The following MARS1 variants were observed in gnomAD, a reference collection of about 807,000 sequenced individuals.
MARS1 encodes the protein methionine--tRNA ligase, cytoplasmic.
In MARS1, 80 loss-of-function variants were observed where a neutral mutation model predicts 119.5. The observed-to-expected ratio is 0.67, with a 90% CI of 0.56 to 0.81. MARS1 has a LOEUF of 0.81. Ranked by LOEUF, MARS1 falls within the 30% of genes least tolerant of loss-of-function variation. The probability of loss-of-function intolerance (pLI) is 0.00; values close to 1 mark genes in which losing one functional copy is unlikely to be tolerated. For synonymous variants in MARS1, 418 were observed against 433.4 expected (o/e 0.96, Z 0.44); for missense variants, 945 against 1,116.5 (o/e 0.85, Z 2.19).
intron 9 of MARS1, among the ~76,000 whole-genome samples, chr12:57,499,191 G>A (rs1264755277): frequency 6.9e-6 from 1 of 145,138 alleles, no homozygotes; most frequent in East Asian, 2.1e-4. Flanking sequence ...AGCTGAGGCA[G>A]AAGAATCTCT....
intron 6 of MARS1, 59 bp downstream of exon 6, chr12:57,490,438 T>G (rs1875847958): frequency 6.2e-7 from 1 of 1,610,172 alleles, no homozygotes; most frequent in Non-Finnish European, 8.5e-7. Flanking sequence ...AGATGGACTT[T>G]GAGCATGGCC....
At chr12:57,490,048 C>T in intron 5 of MARS1, 77 bp downstream of exon 5, 2 of 1,490,290 alleles carry the variant, frequency 1.3e-6, no homozygotes, top group Non-Finnish European at 1.9e-6. Flanking sequence ...ATACTGAGAA[C>T]TCCCTTCAAG....
At chr12:57,509,918 G>A (rs768797127) in intron 11 of MARS1, among the ~76,000 whole-genome samples, 8 of 151,986 alleles carry the variant, frequency 5.3e-5, no homozygotes, top group African/African-American at 1.9e-4. Flanking sequence ...TTGCTGGTAC[G>A]TCTACAAAAA....
Position 57,496,611 on chromosome 12 carries a change from CA to C in MARS1, c.771-1538del, listed in dbSNP as rs202224204. On this transcript the variant is annotated intron_variant, in intron 7 of 20. Transcript: ENST00000262027. Reference sequence around the variant, plus strand: ...CCTGTCAACATAGACTGCATCTCTACAAAAAAAATTTAAAAATTATCCAGGC... The same window carrying C: ...CCTGTCAACATAGACTGCATCTCTACAAAAAAATTTAAAAATTATCCAGGC... Among the ~76,000 whole-genome samples the C allele has an allele frequency of 3.2e-3, 488 of 151,790 alleles. 2 individuals carry two copies. Among genetic ancestry groups the C allele is most frequent in the African/African-American group, 0.011 (462 of 41,376 alleles).
intron 15 of MARS1, 48 bp downstream of exon 15, chr12:57,513,012 T>C (rs766933835): frequency 6.7e-7 from 1 of 1,483,028 alleles, no homozygotes; most frequent in Non-Finnish European, 9.4e-7. Context: ...GGGGTGGGGC[T>C]CATTTTCCCT....
intron 11 of MARS1, among the ~76,000 whole-genome samples, chr12:57,507,604 C>G (rs1411661159): frequency 1.5e-5 from 2 of 130,702 alleles, no homozygotes; most frequent in African/African-American, 5.7e-5. Context: ...GCTGGCCGGG[C>G]GGGGGTCTGG....
Position 57,515,007 on chromosome 12 carries a change from A to G in MARS1, c.2153A>G (p.Tyr718Cys), listed in dbSNP as rs769280984. 14 of 1,614,172 alleles carry G rather than the reference A, an allele frequency of 8.7e-6. No individual in the cohort carries two copies. The highest frequency in any genetic ancestry group is 1.0e-5 in the Non-Finnish European group (12 of 1,180,036). The stretch of plus-strand genomic sequence containing the variant: ...ACCATATCTCGACATGGCAACCAAT[A>G]TATTCAGGTGAATGAGCCCTGGAAG... ...ILTISRHGNQ[Y>C]IQVNEPWKRI... The change falls in exon 17 of 21, where the codon TAT (tyrosine) becomes TGT (cysteine). Residue 718 changes from tyrosine (Y) to cysteine (C), a missense_variant. Coordinates refer to ENST00000262027, the MANE Select transcript of MARS1 (RefSeq NM_004990.4).
At chr12:57,514,673 T>C (rs763921830) in intron 15 of MARS1, 47 bp from the exon 16 acceptor site, 26 of 1,611,612 alleles carry the variant, frequency 1.6e-5, no homozygotes, top group Non-Finnish European at 2.0e-5. Context: ...GACGGGATAA[T>C]AACTTCCCCT....
At chr12:57,507,667 C>T (rs1352442814) in intron 11 of MARS1, among the ~76,000 whole-genome samples, 2 of 114,766 alleles carry the variant, frequency 1.7e-5, no homozygotes, top group Admixed American at 8.4e-5. Context: ...GTCTGGCCCC[C>T]CACCTCCCTC....
chr12:57,516,526 T>C lies in MARS1; in HGVS notation c.2648T>C (p.Leu883Ser). 6.2e-7 allele frequency: 1 copy of C among 1,612,004 alleles called. No individual in the cohort carries two copies. The highest frequency in any genetic ancestry group is 8.5e-7 in the Non-Finnish European group (1 of 1,179,420). The change falls in exon 21 of 21, where the codon TTG becomes TCG. Residue 883 changes from leucine (L) to serine (S), a missense_variant. By Grantham distance (145) the Leu-to-Ser change is moderately radical (BLOSUM62 -2). Coordinates refer to ENST00000262027, the MANE Select transcript of MARS1 (RefSeq NM_004990.4). The stretch of plus-strand genomic sequence containing the variant: ...AAACTCTTGGATCTAAAGAAACAGT[T>C]GGCTGTAGCTGAGGGGAAACCCCCT... Reference protein sequence around the residue: ...VAKLLDLKKQLAVAEGKPPEA... With the variant: ...VAKLLDLKKQSAVAEGKPPEA...
At chr12:57,496,667 C>T (rs1007557563) in intron 7 of MARS1, among the ~76,000 whole-genome samples, 1 of 151,860 alleles carries the variant, frequency 6.6e-6, no homozygotes, top group Non-Finnish European at 1.5e-5. Context: ...GTTCCAGCTA[C>T]CTGGGAGGCT....
intron 17 of MARS1, 37 bp from the exon 18 acceptor site, chr12:57,515,113 C>T: frequency 6.2e-7 from 1 of 1,614,002 alleles, no homozygotes; most frequent in Non-Finnish European, 8.5e-7. Context: ...AAGCTGTATC[C>T]TCCTGGAGGT....
chr12:57,495,368 G>A (rs867645536), intron 7 of MARS1, among the ~76,000 whole-genome samples: 3 of 151,564 alleles, frequency 2.0e-5, no homozygotes, highest in Non-Finnish European at 1.5e-5. Flanking sequence ...AGACGGGGTC[G>A]CGGCCGGGCA....
At chr12:57,489,859 C>A in intron 4 of MARS1, 37 bp from the exon 5 acceptor site, 2 of 1,565,354 alleles carry the variant, frequency 1.3e-6, no homozygotes, top group Non-Finnish European at 1.8e-6. Context: ...CTGAGTGTCT[C>A]ATTTGTGTAC....
At chr12:57,510,333 G>A (rs989758983) in intron 11 of MARS1, among the ~76,000 whole-genome samples, 6 of 152,144 alleles carry the variant, frequency 3.9e-5, no homozygotes, top group Non-Finnish European at 7.3e-5. Flanking sequence ...TTAGCCAGGC[G>A]TGGTGGCACC....
rs969642249 is a variant in MARS1, at chr12:57,516,487, C to T, written c.2609C>T (p.Ala870Val). Residue 870 changes from alanine (A) to valine (V), a missense_variant, in exon 21 of 21, where the codon GCT becomes GTT. Coordinates refer to ENST00000262027, the MANE Select transcript of MARS1 (RefSeq NM_004990.4). ...CAAAAGGCAGACAAGAACGAGGTTG[C>T]TGCGGAGGTGGCGAAACTCTTGGAT... Reference protein sequence around the residue: ...KAQKADKNEVAAEVAKLLDLK... With the variant: ...KAQKADKNEVVAEVAKLLDLK... 5.6e-6 allele frequency: 9 copies of T among 1,613,822 alleles called. No individual in the cohort carries two copies. Among genetic ancestry groups the T allele is most frequent in the Middle Eastern group, 1.7e-4 (1 of 6,060 alleles).
At position 57,511,992 on chromosome 12, in the gene MARS1, T is replaced by C; in HGVS notation, c.1540-16T>C. 6.2e-7 allele frequency: 1 copy of C among 1,612,796 alleles called. No individual in the cohort carries two copies. The highest frequency in any genetic ancestry group is 1.1e-5 in the South Asian group (1 of 91,042). ...TGGATTGGTCCCTAACATGTTTACC[T>C]CCTTCTGACCTCCAGGTATTCTATG... is the stretch of plus-strand genomic sequence containing the variant. On this transcript the variant is annotated splice_polypyrimidine_tract_variant and intron_variant, in intron 12 of 20. Transcript: ENST00000262027.
chr12:57,489,099 G>A lies in MARS1; in HGVS notation c.190G>A (p.Ala64Thr). 1 of 1,613,872 alleles carries A rather than the reference G, an allele frequency of 6.2e-7. No homozygotes were observed. The highest frequency in any genetic ancestry group is 1.3e-5 in the African/African-American group (1 of 74,922). ...CGGCAACTACCTCTTCTCCACTAGT[G>A]CAATCTGCCGGTCAGTATTGGTCCT... ...DSGNYLFSTS[A>T]ICRYFFLLSG... The change falls in exon 2 of 21, where the codon GCA (alanine) becomes ACA (threonine). Residue 64 changes from alanine to threonine, a missense_variant. By Grantham distance (58) the Ala-to-Thr change is moderately conservative (BLOSUM62 0). Transcript: ENST00000262027.
At position 57,498,270 on chromosome 12, in the gene MARS1, C is replaced by T; in HGVS notation, c.884C>T (p.Ala295Val). ...IGCVLSADVF[A>V]RYSRLRQWNT... ...TGTGTGCTCAGTGCCGATGTCTTTG[C>T]CAGGTGGAGCCAGCTGCTCGGGGAG... Residue 295 changes from alanine (A) to valine (V), a missense_variant, in exon 8 of 21, where the codon GCC (alanine) becomes GTC (valine). Transcript: ENST00000262027. The T allele has an allele frequency of 1.9e-6, 3 of 1,613,358 alleles. No homozygotes were observed. The highest frequency in any genetic ancestry group is 2.5e-6 in the Non-Finnish European group (3 of 1,179,284).
Sources: gnomAD v4.1 joint callset for allele counts (sites outside exome capture counted in the v4.1 genomes callset) on GRCh38, gnomAD v4.1.1 for gene constraint, MANE v1.5 for transcripts, NCBI Gene and HGNC (gene_info 2026-07-23, HGNC 2026-07-21) for gene names.